RHBDL2: variants seen among roughly 807,000 people sequenced by gnomAD.
RHBDL2 encodes the protein rhomboid-related protein 2.
RHBDL2 carries 26 observed loss-of-function variants against 31.7 expected under a neutral mutation model. The ratio of observed to expected loss-of-function variants is 0.82; its 90% CI spans 0.60 to 1.14. The LOEUF is 1.14. Among genes scored for constraint, RHBDL2 ranks in the 50% most tolerant of loss-of-function variants. RHBDL2 has a pLI of 0.00. For missense variants in RHBDL2, 336 were observed against 364.4 expected (o/e 0.92, Z 0.63); for synonymous variants, 123 against 127.2 (o/e 0.97, Z 0.22).
At chr1:38,899,628 A>T (rs1642964175) in intron 4 of RHBDL2, among the ~76,000 whole-genome samples, 1 of 152,236 alleles carries the variant, frequency 6.6e-6, no homozygotes, top group Non-Finnish European at 1.5e-5. Context: ...CCTTAGAAAC[A>T]GACTGGTTGA....
At chr1:38,892,254 G>GT (rs1052734312) in intron 6 of RHBDL2, among the ~76,000 whole-genome samples, 201 of 149,194 alleles carry the variant, frequency 1.3e-3, no homozygotes, top group Middle Eastern at 3.4e-3. Flanking sequence ...TACTGGATCA[G>GT]TTTTTTTTTT....
intron 1 of RHBDL2, among the ~76,000 whole-genome samples, chr1:38,933,530 A>G (rs563963888): frequency 6.6e-6 from 1 of 152,322 alleles, no homozygotes; most frequent in East Asian, 1.9e-4. Context: ...CCATGAATGG[A>G]GAAGGAAGGA....
chr1:38,896,565 T>A lies in RHBDL2; in HGVS notation c.509-496A>T, dbSNP rs776653094. 5.3e-5 allele frequency among the ~76,000 whole-genome samples: 8 copies of A among 152,230 alleles called. No individual in the cohort carries two copies. In the South Asian group the frequency reaches 1.0e-3, roughly 20 times the overall value. On this transcript the variant is annotated intron_variant, in intron 4 of 7. Coordinates refer to ENST00000372990, the MANE Select transcript of RHBDL2 (RefSeq NM_017821.5). ...GGCAAAAACTGCAATTATTTTTGCA[T>A]CAACCTAATATTATTGCAAAATATC... is the stretch of plus-strand genomic sequence containing the variant.
Position 38,928,446 on chromosome 1 carries a change from T to C in RHBDL2, c.-125-9109A>G, listed in dbSNP as rs140653870. ...GGTGAGCCACGGCGCCCGGCCATGT[T>C]TTGTTTTGTTTTGTTTTGAGACAGA... On this transcript the variant is annotated intron_variant, in intron 1 of 7. Coordinates refer to ENST00000372990, the MANE Select transcript of RHBDL2 (RefSeq NM_017821.5). 7.0e-4 allele frequency among the ~76,000 whole-genome samples: 2 copies of C among 2,868 alleles called. 1 individual carries two copies. The highest frequency in any genetic ancestry group is 4.0e-3 in the Non-Finnish European group (2 of 504). The allele number at this position is 2,868 out of a possible 152,430, so 1.9% of individuals were successfully genotyped here.
chr1:38,935,828 G>A (rs779276508), intron 1 of RHBDL2, among the ~76,000 whole-genome samples: 1 of 152,012 alleles, frequency 6.6e-6, no homozygotes, highest in Non-Finnish European at 1.5e-5. Flanking sequence ...CGCCCATGCT[G>A]GTCTCGAACT....
chr1:38,893,168 C>T lies in RHBDL2; in HGVS notation c.666G>A (p.Leu222=), dbSNP rs754957859. Residue 222 remains leucine (L), a synonymous_variant, in exon 6 of 8, where the codon CTG becomes CTA. Transcript: ENST00000372990. The stretch of plus-strand genomic sequence containing the variant: ...GTATTCACAAAACACACTTACTTAT[C>T]AGGATGATGATCAGCAGTCTGAAAA... ...FGIFRLLIII[L]IIVLDMGFAL... is the part of the protein sequence containing the mutation. 3 of 1,554,472 alleles carry T rather than the reference C, an allele frequency of 1.9e-6. No individual in the cohort carries two copies. The highest frequency in any genetic ancestry group is 2.7e-6 in the Non-Finnish European group (3 of 1,127,044).
chr1:38,918,187 T>C (rs1187270234), intron 2 of RHBDL2, among the ~76,000 whole-genome samples: 2 of 152,222 alleles, frequency 1.3e-5, no homozygotes, highest in African/African-American at 2.4e-5. Flanking sequence ...CTATTGATTC[T>C]GTTTTTCTGA....
intron 1 of RHBDL2, among the ~76,000 whole-genome samples, chr1:38,935,857 G>C (rs1643498581): frequency 6.6e-6 from 1 of 151,892 alleles, no homozygotes; most frequent in Non-Finnish European, 1.5e-5. Flanking sequence ...CAAGCGATCT[G>C]CCCACCTTGG....
In RHBDL2 at chr1:38,911,438, CA is replaced by C; in HGVS notation, c.396-5del. ...ATTCCCCAAGATGTGCTGAACTCTG[CA>C]AAGACAAACAATAGTTGTCAAATAT... is the stretch of plus-strand genomic sequence containing the variant. On this transcript the variant is annotated splice_region_variant and splice_polypyrimidine_tract_variant and intron_variant, in intron 3 of 7. Transcript: ENST00000372990. 6.3e-7 allele frequency: 1 copy of C among 1,581,340 alleles called. No homozygotes were observed. Among genetic ancestry groups the C allele is most frequent in the Non-Finnish European group, 8.7e-7 (1 of 1,150,230 alleles).
chr1:38,887,852 T>C, intron 7 of RHBDL2, 111 bp downstream of exon 7: 1 of 738,780 alleles, frequency 1.4e-6, no homozygotes, highest in Non-Finnish European at 2.3e-6. Context: ...TTTTCTTAAC[T>C]TCCAAATGGA....
At chr1:38,891,203 G>A (rs542673467) in intron 6 of RHBDL2, among the ~76,000 whole-genome samples, 3 of 131,792 alleles carry the variant, frequency 2.3e-5, no homozygotes, top group East Asian at 2.4e-4. Flanking sequence ...GGAGGTTGCA[G>A]TAAGCCAAGA....
rs141150431 is a variant in RHBDL2 at position 38,912,883 on chromosome 1, CATATATAT to C, written c.396-1457_396-1450del. 1.8e-3 allele frequency among the ~76,000 whole-genome samples: 192 copies of C among 106,600 alleles called. 1 individual carries two copies. Among genetic ancestry groups the C allele is most frequent in the Middle Eastern group, 4.4e-3 (1 of 226 alleles). 69.9% of individuals were successfully genotyped at this position (106,600 alleles called of 152,430 possible). A position where few individuals can be genotyped will look rare whatever the true frequency, so the allele number is the denominator to read the frequency against. ...AGGAAGCTAAGTAACTACCATATAC[CATATATAT>C]ATATATATATATATATATATGTGTG... On this transcript the variant is annotated intron_variant, in intron 3 of 7. Transcript: ENST00000372990.
At chr1:38,905,911 C>CA (rs1273653068) in intron 4 of RHBDL2, among the ~76,000 whole-genome samples, 4 of 151,212 alleles carry the variant, frequency 2.6e-5, no homozygotes, top group African/African-American at 9.7e-5. Flanking sequence ...ACTAAAAATA[C>CA]AAAAAATTAG....
intron 1 of RHBDL2, among the ~76,000 whole-genome samples, chr1:38,919,945 A>C (rs1643289110): frequency 6.6e-6 from 1 of 152,092 alleles, no homozygotes; most frequent in African/African-American, 2.4e-5. Context: ...AGCCATCACC[A>C]CTAGTTCCAA....
chr1:38,894,326 G>T (rs1345151125), intron 5 of RHBDL2, among the ~76,000 whole-genome samples: 2 of 152,050 alleles, frequency 1.3e-5, no homozygotes, highest in African/African-American at 4.8e-5. Context: ...TGTTGTTGTT[G>T]TTGTTGTTGT....
At chr1:38,914,886 C>T (rs908471875) in intron 3 of RHBDL2, among the ~76,000 whole-genome samples, 21 of 151,044 alleles carry the variant, frequency 1.4e-4, no homozygotes, top group East Asian at 4.1e-4. Flanking sequence ...AAAATTAGCC[C>T]GGCCTGGTGG....
rs550564559 is a variant in RHBDL2, at chr1:38,911,536, T to C, written c.396-102A>G. 107 of 749,092 alleles carry C rather than the reference T, an allele frequency of 1.4e-4. 2 individuals are homozygous for C. In the South Asian group the frequency reaches 1.7e-3, roughly 12 times the overall value. The allele number at this position is 749,092 out of a possible 1,614,324, so 46.4% of individuals were successfully genotyped here. A position where few individuals can be genotyped will look rare whatever the true frequency, so the allele number is the denominator to read the frequency against. ...CATGTGTTTTCTCTAGTTAAGGATT[T>C]GCTTAACTAGAATTCCATTTTCTAA... On this transcript the variant is annotated intron_variant, in intron 3 of 7. Transcript: ENST00000372990.
Position 38,936,498 on chromosome 1 carries a change from T to TG in RHBDL2, c.-126+5183dup, listed in dbSNP as rs1288783886. ...ATCTAATTTTTGGTTTTTTGCTTTT[T>TG]GGGTTTTTTTTTTTTTTTCAAGATG... is the stretch of plus-strand genomic sequence containing the variant. On this transcript the variant is annotated intron_variant, in intron 1 of 7. Coordinates refer to ENST00000372990, the MANE Select transcript of RHBDL2 (RefSeq NM_017821.5). Among the ~76,000 whole-genome samples the TG allele has an allele frequency of 9.0e-5, 13 of 144,054 alleles. No homozygotes were observed. The East Asian group carries it at 2.4e-3, about 26-fold the overall frequency. 94.5% of individuals were successfully genotyped at this position (144,054 alleles called of 152,430 possible). A position where few individuals can be genotyped will look rare whatever the true frequency, so the allele number is the denominator to read the frequency against.
intron 1 of RHBDL2, among the ~76,000 whole-genome samples, chr1:38,928,494 T>C (rs1451061593): frequency 1.3e-5 from 2 of 151,760 alleles, no homozygotes; most frequent in Admixed American, 6.6e-5. Context: ...TTGCCCAGAC[T>C]GGAGTGCAAT....
Sources: allele counts gnomAD v4.1 joint callset (sites outside exome capture counted in the v4.1 genomes callset), GRCh38; gene constraint gnomAD v4.1.1; transcripts MANE v1.5; gene names NCBI Gene and HGNC (gene_info 2026-07-23, HGNC 2026-07-21).